Variants in MIPEP observed in about 807,000 individuals in gnomAD.
The protein encoded by MIPEP is mitochondrial intermediate peptidase.
In MIPEP, 79 loss-of-function variants were observed where a neutral mutation model predicts 90.3. The ratio of observed to expected loss-of-function variants is 0.87; its 90% confidence interval spans 0.73 to 1.05. The LOEUF is 1.05. MIPEP is among the 50% of genes least tolerant of loss of function. The pLI, the probability that MIPEP is intolerant of heterozygous loss-of-function variation, is 0.00. For synonymous variants in MIPEP, 334 were observed against 315.8 expected (o/e 1.06, Z -0.61); for missense variants, 940 against 905.6 (o/e 1.04, Z -0.49).
intron 14 of MIPEP, among the ~76,000 whole-genome samples, chr13:23,824,284 T>C (rs1953341671): frequency 6.6e-6 from 1 of 152,238 alleles, no homozygotes; most frequent in Non-Finnish European, 1.5e-5. Flanking sequence ...ATCAAATTAT[T>C]ACAGAGCTAA....
Position 23,740,991 on chromosome 13 carries a change from G to A in MIPEP, c.2045-10546C>T, listed in dbSNP as rs182654851. The stretch of plus-strand genomic sequence containing the variant: ...GAGAGGGGAGGTCTGGGTGCTCTGT[G>A]TATGTGGCCAGGTGGATGGACTCGT... On this transcript the variant is annotated intron_variant, in intron 18 of 18. Coordinates refer to ENST00000382172, the MANE Select transcript of MIPEP (RefSeq NM_005932.4). 9.2e-5 allele frequency among the ~76,000 whole-genome samples: 14 copies of A among 152,352 alleles called. No homozygotes were observed. The East Asian group carries it at 2.7e-3, about 29-fold the overall frequency.
At chr13:23,877,738 C>T (rs1871127662) in intron 4 of MIPEP, among the ~76,000 whole-genome samples, 2 of 152,104 alleles carry the variant, frequency 1.3e-5, no homozygotes, top group African/African-American at 4.8e-5. Flanking sequence ...ATCTTTAATT[C>T]TTTGTTTTAG....
At chr13:23,869,193 GTA>G (rs1385081696) in intron 7 of MIPEP, 97 bp downstream of exon 7, 3 of 1,058,312 alleles carry the variant, frequency 2.8e-6, no homozygotes, top group Non-Finnish European at 4.0e-6. Context: ...TTCTCTACAT[GTA>G]TTAAAAATAG....
intron 18 of MIPEP, among the ~76,000 whole-genome samples, chr13:23,748,590 A>C (rs900102647): frequency 3.3e-5 from 5 of 152,264 alleles, no homozygotes; most frequent in African/African-American, 1.2e-4. Flanking sequence ...TTCCAACAGC[A>C]AAGTTTTACT....
intron 14 of MIPEP, among the ~76,000 whole-genome samples, chr13:23,821,494 G>A (rs1320460202): frequency 6.6e-6 from 1 of 152,158 alleles, no homozygotes; most frequent in African/African-American, 2.4e-5. Flanking sequence ...GACAGAGCAA[G>A]AAAAGCAGGT....
chr13:23,777,377 T>C (rs1318510927), intron 16 of MIPEP, among the ~76,000 whole-genome samples: 1 of 152,224 alleles, frequency 6.6e-6, no homozygotes, highest in African/African-American at 2.4e-5. Flanking sequence ...AGGTTAAACT[T>C]ATAAACTATG....
intron 16 of MIPEP, among the ~76,000 whole-genome samples, chr13:23,796,403 C>T (rs1326969361): frequency 1.3e-5 from 2 of 151,690 alleles, no homozygotes; most frequent in Non-Finnish European, 2.9e-5. Flanking sequence ...GGCAACAGAG[C>T]GAGACTCCAT....
In MIPEP at chr13:23,879,296, G is replaced by A. The variant is rs1871190205; in HGVS notation, c.511C>T (p.Leu171Phe). 6.2e-7 allele frequency: 1 copy of A among 1,606,398 alleles called. No homozygotes were observed. Among genetic ancestry groups the A allele is most frequent in the East Asian group, 2.2e-5 (1 of 44,818 alleles). The change falls in exon 4 of 19, where the codon CTT (leucine) becomes TTT (phenylalanine). Residue 171 changes from leucine to phenylalanine, a missense_variant. Physicochemically the swap from Leu to Phe is conservative, Grantham distance 22. Coordinates refer to ENST00000382172, the MANE Select transcript of MIPEP (RefSeq NM_005932.4). Reference sequence around the variant, plus strand: ...GTTTCTGGATCAAGGGAATCCACAAGTTTTTTATCAGCTAGTAATTTTTGC... The same window carrying A: ...GTTTCTGGATCAAGGGAATCCACAAATTTTTTATCAGCTAGTAATTTTTGC... Reference protein sequence around the residue: ...SLQKLLADKKLVDSLDPETRR... With the variant: ...SLQKLLADKKFVDSLDPETRR...
chr13:23,742,976 C>CACAATTTTAA (rs1952347361), intron 18 of MIPEP, among the ~76,000 whole-genome samples: 1 of 151,954 alleles, frequency 6.6e-6, no homozygotes, highest in African/African-American at 2.4e-5. Flanking sequence ...TATATTTTAC[C>CACAATTTTAA]ACAATTTTAA....
At chr13:23,749,203 T>C (rs919557212) in intron 18 of MIPEP, among the ~76,000 whole-genome samples, 1 of 152,210 alleles carries the variant, frequency 6.6e-6, no homozygotes, top group Non-Finnish European at 1.5e-5. Context: ...ACAATGACTG[T>C]TTATTTAGCT....
chr13:23,766,531 G>A (rs190174332), intron 16 of MIPEP, among the ~76,000 whole-genome samples: 38 of 152,314 alleles, frequency 2.5e-4, no homozygotes, highest in African/African-American at 8.7e-4. Flanking sequence ...ACAATGTAGA[G>A]CAGAGGACAT....
intron 10 of MIPEP, among the ~76,000 whole-genome samples, chr13:23,850,484 C>T (rs2137480054): frequency 6.6e-6 from 1 of 152,266 alleles, no homozygotes; most frequent in East Asian, 1.9e-4. Flanking sequence ...GAAAATTGCT[C>T]CAGTCAAACT....
Position 23,836,283 on chromosome 13 carries a change from T to C in MIPEP, c.1610A>G (p.Tyr537Cys). ...TCTGGCAAATTGGTTAACTACTCGA[T>C]AATCATTTGCAAAGTACTCCATCAG... ...SILMEYFAND[Y>C]RVVNQFARHY... The change falls in exon 14 of 19, where the codon TAT becomes TGT. Residue 537 changes from tyrosine (Y) to cysteine (C), a missense_variant. Tyr to Cys is a radical substitution (Grantham distance 194). Coordinates refer to ENST00000382172, the MANE Select transcript of MIPEP (RefSeq NM_005932.4). 6.2e-7 allele frequency: 1 copy of C among 1,607,418 alleles called. No homozygotes were observed. The highest frequency in any genetic ancestry group is 8.5e-7 in the Non-Finnish European group (1 of 1,177,342).
At chr13:23,824,828 A>C (rs1184986331) in intron 14 of MIPEP, among the ~76,000 whole-genome samples, 3 of 152,216 alleles carry the variant, frequency 2.0e-5, no homozygotes, top group Non-Finnish European at 4.4e-5. Flanking sequence ...AAATAAGATG[A>C]TCTAAGATTT....
intron 7 of MIPEP, among the ~76,000 whole-genome samples, chr13:23,868,534 AG>A (rs1298493214): frequency 6.6e-6 from 1 of 152,084 alleles, no homozygotes; most frequent in Non-Finnish European, 1.5e-5. Flanking sequence ...ATGTCTAACC[AG>A]ATGTACAACC....
intron 5 of MIPEP, among the ~76,000 whole-genome samples, chr13:23,871,888 C>G (rs1870823883): frequency 6.6e-6 from 1 of 151,740 alleles, no homozygotes; most frequent in Non-Finnish European, 1.5e-5. Context: ...ATTACAGTTC[C>G]AAAATTGTCT....
At chr13:23,841,713 T>G (rs1869306883) in intron 10 of MIPEP, among the ~76,000 whole-genome samples, 1 of 152,210 alleles carries the variant, frequency 6.6e-6, no homozygotes, top group Admixed American at 6.5e-5. Context: ...GGTAGATATA[T>G]CATTCCCTAA....
intron 14 of MIPEP, among the ~76,000 whole-genome samples, chr13:23,830,438 GC>G (rs2137442946): frequency 6.6e-6 from 1 of 152,310 alleles, no homozygotes; most frequent in African/African-American, 2.4e-5. Context: ...TGGGAGGCAA[GC>G]GGGGCAGAGA....
chr13:23,876,229 G>A (rs1313741712), intron 4 of MIPEP, among the ~76,000 whole-genome samples: 3 of 152,166 alleles, frequency 2.0e-5, no homozygotes, highest in African/African-American at 7.2e-5. Flanking sequence ...TTTCAACTTT[G>A]TCAGCTGCTG....
Sources: allele counts gnomAD v4.1 joint callset (sites outside exome capture counted in the v4.1 genomes callset), GRCh38; gene constraint gnomAD v4.1.1; transcripts MANE v1.5; gene names NCBI Gene and HGNC (gene_info 2026-07-23, HGNC 2026-07-21).